GALK2: variants seen among roughly 807,000 people sequenced by gnomAD.
GALK2 encodes the protein galactokinase 2.
In GALK2, 36 loss-of-function variants were observed where a neutral mutation model predicts 52.4. The observed-to-expected ratio is 0.69, with a 90% CI of 0.53 to 0.91. The LOEUF (loss-of-function observed/expected upper bound fraction) is 0.91. Ranked by LOEUF, GALK2 falls within the 40% of genes least tolerant of loss-of-function variation. The pLI, the probability that GALK2 is intolerant of heterozygous loss-of-function variation, is 0.00. For missense variants in GALK2, 579 were observed against 559.1 expected, an observed-to-expected ratio of 1.04 and a Z score of -0.36; for synonymous variants, 176 against 199.1, an observed-to-expected ratio of 0.88 and a Z score of 0.98.
Position 49,305,009 on chromosome 15 carries a change from T to C in GALK2, c.967+12472T>C, listed in dbSNP as rs139274609. 1.9e-3 allele frequency among the ~76,000 whole-genome samples: 283 copies of C among 152,320 alleles called. 2 individuals are homozygous for C. Among genetic ancestry groups the C allele is most frequent in the African/African-American group, 6.3e-3 (262 of 41,578 alleles). The stretch of plus-strand genomic sequence containing the variant: ...TTTTCAGGAGCCAGTCATTCTAATA[T>C]CCTAGTTCAAGAAAACATCTTCTTC... On this transcript the variant is annotated intron_variant, in intron 8 of 9. Transcript: ENST00000560031.
upstream of GALK2, among the ~76,000 whole-genome samples, chr15:49,166,392 T>C (rs556022639): frequency 4.6e-5 from 7 of 152,332 alleles, no homozygotes; most frequent in South Asian, 1.5e-3. Context: ...TTAATGATTA[T>C]ATACACTAGA....
At chr15:49,162,507 G>C (rs1366338720) in intron 1 of GALK2, among the ~76,000 whole-genome samples, 1 of 152,178 alleles carries the variant, frequency 6.6e-6, no homozygotes, top group East Asian at 1.9e-4. Flanking sequence ...ATTTATGGTA[G>C]ACAGACTCTG....
At chr15:49,275,728 TG>T (rs994188824) in intron 5 of GALK2, among the ~76,000 whole-genome samples, 3 of 152,334 alleles carry the variant, frequency 2.0e-5, no homozygotes, top group Middle Eastern at 6.8e-3. Context: ...TTATTATTAT[TG>T]TTTTTTTGTG....
chr15:49,361,786 G>A (rs2044287566), intron 3 of GALK2, among the ~76,000 whole-genome samples: 1 of 152,130 alleles, frequency 6.6e-6, no homozygotes, highest in Admixed American at 6.5e-5. Context: ...TGAGTTGAAT[G>A]GTAATTCTGC....
intron 3 of GALK2, among the ~76,000 whole-genome samples, chr15:49,348,025 A>G (rs2041772924): frequency 6.6e-6 from 1 of 151,314 alleles, no homozygotes; most frequent in African/African-American, 2.4e-5. Flanking sequence ...GTCTCAAAAA[A>G]AAAAAAAAAA....
At chr15:49,269,865 C>T (rs879482802) in intron 5 of GALK2, among the ~76,000 whole-genome samples, 1 of 152,208 alleles carries the variant, frequency 6.6e-6, no homozygotes, top group Non-Finnish European at 1.5e-5. Flanking sequence ...TCCTTTCTAT[C>T]TATATATCCC....
At chr15:49,173,745 A>C (rs1187806469) in intron 1 of GALK2, among the ~76,000 whole-genome samples, 1 of 151,622 alleles carries the variant, frequency 6.6e-6, no homozygotes, top group Non-Finnish European at 1.5e-5. Flanking sequence ...CACTATTTTT[A>C]CTTATTTCAT....
At chr15:49,174,420 A>C (rs1265700525) in intron 1 of GALK2, among the ~76,000 whole-genome samples, 1 of 152,186 alleles carries the variant, frequency 6.6e-6, no homozygotes, top group Admixed American at 6.5e-5. Context: ...AACTCGGCTC[A>C]CCACAACCAC....
At chr15:49,167,470 G>A (rs150105086), upstream of GALK2, among the ~76,000 whole-genome samples, 885 of 152,088 alleles carry the variant, frequency 5.8e-3, 6 homozygotes, top group African/African-American at 0.02. Context: ...CGATTCTCCC[G>A]CCTCAGCCTC....
intron 7 of GALK2, 29 bp downstream of exon 7, chr15:49,283,747 G>A (rs182377211): frequency 6.2e-7 from 1 of 1,607,004 alleles, no homozygotes; most frequent in Non-Finnish European, 8.5e-7. Flanking sequence ...AGTGAAACTT[G>A]AAGTAGGGTT....
intron 3 of GALK2, chr15:49,225,332 T>C: frequency 2.3e-6 from 1 of 428,632 alleles, no homozygotes; most frequent in Non-Finnish European, 4.7e-6. Context: ...TGTTCAGAAG[T>C]GGGCCACACA....
chr15:49,183,838 T>G (rs1490008410), intron 1 of GALK2, among the ~76,000 whole-genome samples: 2 of 149,414 alleles, frequency 1.3e-5, no homozygotes, highest in East Asian at 1.9e-4. Flanking sequence ...AATGAAACTT[T>G]GTCTCAGAAA....
chr15:49,292,517 TGAGTCCAAACACTCAA>T lies in GALK2; in HGVS notation c.950_965del (p.Ser317MetfsTer42). On this transcript the variant is annotated frameshift_variant, in exon 8 of 10. Transcript: ENST00000560031. LOFTEE classifies it high-confidence loss of function. Reference sequence around the variant, plus strand: ...CTGGAGGAACTCCGAACCCAAATCCTGAGTCCAAACACTCAAGATGGTGAGTTGGCTGGAGAAAGTA... The same window carrying T: ...CTGGAGGAACTCCGAACCCAAATCCTGATGGTGAGTTGGCTGGAGAAAGTA... 1 of 1,613,908 alleles carries T rather than the reference TGAGTCCAAACACTCAA, an allele frequency of 6.2e-7. No individual in the cohort carries two copies. The highest frequency in any genetic ancestry group is 8.5e-7 in the Non-Finnish European group (1 of 1,179,870).
chr15:49,362,481 G>C (rs1187047539), intron 3 of GALK2, among the ~76,000 whole-genome samples: 1 of 151,328 alleles, frequency 6.6e-6, no homozygotes, highest in Non-Finnish European at 1.5e-5. Context: ...CTTTATAGCA[G>C]CATGAAAACC....
At chr15:49,159,461 A>G (rs1464967755) in intron 1 of GALK2, among the ~76,000 whole-genome samples, 7 of 151,986 alleles carry the variant, frequency 4.6e-5, no homozygotes, top group Admixed American at 4.6e-4. Flanking sequence ...GGTGCCTGTA[A>G]TTCCAGCTGG....
intron 1 of GALK2, among the ~76,000 whole-genome samples, chr15:49,191,458 A>G (rs2086717553): frequency 6.6e-6 from 1 of 152,180 alleles, no homozygotes; most frequent in South Asian, 2.1e-4. Context: ...AGTCTAAAAC[A>G]ATGGCCTCCT....
At chr15:49,271,247 G>T (rs990491166) in intron 5 of GALK2, among the ~76,000 whole-genome samples, 1 of 152,138 alleles carries the variant, frequency 6.6e-6, no homozygotes, top group African/African-American at 2.4e-5. Flanking sequence ...CCATCAGGCC[G>T]GCCAGGCTCC....
chr15:49,206,451 C>A (rs1274542928), intron 2 of GALK2, among the ~76,000 whole-genome samples: 2 of 152,020 alleles, frequency 1.3e-5, no homozygotes, highest in Non-Finnish European at 2.9e-5. Context: ...TTCTACCCAT[C>A]CATGAGCATG....
At chr15:49,186,870 CA>C (rs2086387918) in intron 1 of GALK2, among the ~76,000 whole-genome samples, 1 of 152,262 alleles carries the variant, frequency 6.6e-6, no homozygotes, top group Non-Finnish European at 1.5e-5. Context: ...TTCCTCAAAA[CA>C]GTTATTTTGA....
Sources: gnomAD v4.1 joint callset for allele counts (sites outside exome capture counted in the v4.1 genomes callset) on GRCh38, gnomAD v4.1.1 for gene constraint, MANE v1.5 for transcripts, NCBI Gene and HGNC (gene_info 2026-07-23, HGNC 2026-07-21) for gene names.